The following DCDC2C variants were observed in gnomAD, a reference collection of about 807,000 sequenced individuals.
DCDC2C encodes doublecortin domain-containing protein 2C.
DCDC2C carries 44 observed loss-of-function variants against 45.0 expected under a neutral mutation model. The ratio of observed to expected loss-of-function variants is 0.98; its 90% CI spans 0.77 to 1.26. The LOEUF (loss-of-function observed/expected upper bound fraction) is 1.26, where lower values mean the gene tolerates loss of function less well. Among genes scored for constraint, DCDC2C ranks in the 50% most tolerant of loss-of-function variants. The pLI is 0.00. For missense variants in DCDC2C, 447 were observed against 468.9 expected (o/e 0.95, Z 0.43); for synonymous variants, 187 against 178.8 (o/e 1.05, Z -0.37).
chr2:3,789,272 C>A (rs66633345), intron 10 of DCDC2C, among the ~76,000 whole-genome samples: 71,524 of 151,928 alleles, frequency 0.47, 17,402 homozygotes, highest in East Asian at 0.82. Flanking sequence ...CTCCACGTGG[C>A]ATCCAGAGGC....
intron 2 of DCDC2C, among the ~76,000 whole-genome samples, chr2:3,721,212 A>G (rs1668490424): frequency 2.0e-5 from 3 of 150,884 alleles, no homozygotes; most frequent in Non-Finnish European, 3.0e-5. Flanking sequence ...GTTTTTCTCT[A>G]TTTTTTTCCC....
At chr2:3,779,134 G>A (rs1670437927) in intron 9 of DCDC2C, among the ~76,000 whole-genome samples, 1 of 152,198 alleles carries the variant, frequency 6.6e-6, no homozygotes, top group African/African-American at 2.4e-5. Flanking sequence ...TCTACTTCCA[G>A]TCACAAACCT....
At chr2:3,805,276 G>T in intron 10 of DCDC2C, among the ~76,000 whole-genome samples, 1 of 152,200 alleles carries the variant, frequency 6.6e-6, no homozygotes, top group East Asian at 1.9e-4. Context: ...AGCAGCTCCC[G>T]GCTGGCACTC....
In DCDC2C at chr2:3,738,715, TTTTTCTTGTAACCACCCAA is replaced by T. The variant is rs1180937489; in HGVS notation, c.417-3201_417-3183del. The stretch of plus-strand genomic sequence containing the variant: ...CTGCATGCACTGTTGTGTACCTTCA[TTTTTCTTGTAACCACCCAA>T]TTTATCTTGTATATGGTTTTTTATC... On this transcript the variant is annotated intron_variant, in intron 3 of 10. Coordinates refer to ENST00000399143, the MANE Select transcript of DCDC2C (RefSeq NM_001287444.2). 2.0e-5 allele frequency among the ~76,000 whole-genome samples: 3 copies of T among 152,186 alleles called. No individual in the cohort carries two copies. In the East Asian group the frequency reaches 5.8e-4, roughly 29 times the overall value.
At position 3,705,578 on chromosome 2, in the gene DCDC2C, T is replaced by C. The variant is rs1668045189; in HGVS notation, c.287+1540T>C. On this transcript the variant is annotated intron_variant, in intron 1 of 10. Coordinates refer to ENST00000399143, the MANE Select transcript of DCDC2C (RefSeq NM_001287444.2). ...TATCCCAAGACATTTTCTTGTAAAA[T>C]TGGCCTGTGTTTTACATGTTAGCAA... Among the ~76,000 whole-genome samples the C allele has an allele frequency of 2.0e-5, 3 of 152,222 alleles. No homozygotes were observed. The South Asian group carries it at 6.2e-4, about 31-fold the overall frequency.
intron 10 of DCDC2C, among the ~76,000 whole-genome samples, chr2:3,812,696 G>C (rs1671429890): frequency 6.6e-6 from 1 of 151,918 alleles, no homozygotes. Flanking sequence ...GTTATTTCAG[G>C]CTTTCTGATG....
intron 10 of DCDC2C, among the ~76,000 whole-genome samples, chr2:3,803,664 C>T (rs754190690): frequency 5.3e-5 from 8 of 152,230 alleles, no homozygotes; most frequent in South Asian, 2.1e-4. Context: ...CAGACACCTT[C>T]GTCCTCTTCT....
chr2:3,802,414 G>T (rs1464308584), intron 10 of DCDC2C, among the ~76,000 whole-genome samples: 3 of 152,198 alleles, frequency 2.0e-5, no homozygotes, highest in Admixed American at 2.0e-4. Flanking sequence ...AGCCCTGGAG[G>T]TAAACAAGTT....
At chr2:3,746,638 C>G (rs1669371263) in intron 4 of DCDC2C, among the ~76,000 whole-genome samples, 1 of 152,182 alleles carries the variant, frequency 6.6e-6, no homozygotes, top group Admixed American at 6.5e-5. Context: ...ATTCTAGGAG[C>G]CGGGAGGTGA....
In DCDC2C at chr2:3,823,078, C is replaced by A. The variant is rs534586928; in HGVS notation, c.1066-24076C>A. 1.7e-4 allele frequency among the ~76,000 whole-genome samples: 26 copies of A among 152,278 alleles called. No homozygotes were observed. In the South Asian group the frequency reaches 5.4e-3, roughly 32 times the overall value. ...AAACTTCTTTCTTTTGTAAATCTCC[C>A]AGTCTTGGGTATGTCTTTATCAGCA... On this transcript the variant is annotated intron_variant, in intron 10 of 10. Transcript: ENST00000399143.
chr2:3,789,893 T>C (rs1211058315), intron 10 of DCDC2C, among the ~76,000 whole-genome samples: 1 of 152,212 alleles, frequency 6.6e-6, no homozygotes, highest in Non-Finnish European at 1.5e-5. Flanking sequence ...TAGAACATAG[T>C]GGGTAACTTC....
intron 4 of DCDC2C, 76 bp from the exon 5 acceptor site, chr2:3,752,687 T>C (rs1314271085): frequency 1.0e-5 from 15 of 1,489,336 alleles, no homozygotes; most frequent in African/African-American, 1.4e-5. Flanking sequence ...CATGTCATAG[T>C]GTATGCACAA....
intron 8 of DCDC2C, among the ~76,000 whole-genome samples, chr2:3,769,612 C>A (rs565510011): frequency 6.6e-6 from 1 of 152,334 alleles, no homozygotes; most frequent in East Asian, 1.9e-4. Context: ...ACAGCTTCTG[C>A]TGGAGAGACG....
intron 10 of DCDC2C, chr2:3,788,617 G>A (rs1447809979): frequency 6.6e-6 from 1 of 152,128 alleles, no homozygotes; most frequent in African/African-American, 2.4e-5. Context: ...AGTATTTGTA[G>A]TCATTGATTT....
chr2:3,767,875 G>C lies in DCDC2C; in HGVS notation c.848G>C (p.Gly283Ala). 1.3e-6 allele frequency: 2 copies of C among 1,516,234 alleles called. No homozygotes were observed. Among genetic ancestry groups the C allele is most frequent in the Non-Finnish European group, 1.8e-6 (2 of 1,134,988 alleles). 93.9% of individuals were successfully genotyped at this position (1,516,234 alleles called of 1,614,324 possible). ...KTLAEPLVQR[G>A]AEGDVYKAPT... ...TTGGCAGAACCTTTAGTCCAAAGGG[G>C]TGCAGGTGACGTGCAGTTTCATTCT... The change falls in exon 7 of 11, where the codon GGT becomes GCT. Residue 283 changes from glycine (G) to alanine (A), a missense_variant. By Grantham distance (60) the Gly-to-Ala change is moderately conservative. Coordinates refer to ENST00000399143, the MANE Select transcript of DCDC2C (RefSeq NM_001287444.2).
chr2:3,747,465 G>T (rs1669407109), intron 4 of DCDC2C, among the ~76,000 whole-genome samples: 1 of 152,220 alleles, frequency 6.6e-6, no homozygotes, highest in Admixed American at 6.5e-5. Context: ...GGCGAAGTGG[G>T]CCATTGTCAT....
At chr2:3,823,770 AT>A (rs1319293450) in intron 10 of DCDC2C, among the ~76,000 whole-genome samples, 2 of 151,786 alleles carry the variant, frequency 1.3e-5, no homozygotes, top group African/African-American at 4.8e-5. Context: ...ATCTTTTTGA[AT>A]TTTTTTGAAT....
At chr2:3,732,686 G>A (rs1668909752) in intron 3 of DCDC2C, among the ~76,000 whole-genome samples, 1 of 152,180 alleles carries the variant, frequency 6.6e-6, no homozygotes, top group Non-Finnish European at 1.5e-5. Context: ...CAGTGTCTGA[G>A]GATGTCAGAC....
chr2:3,758,574 C>T (rs1443963011), intron 6 of DCDC2C, among the ~76,000 whole-genome samples: 1 of 152,188 alleles, frequency 6.6e-6, no homozygotes, highest in Non-Finnish European at 1.5e-5. Flanking sequence ...TTGTGTAGGA[C>T]CTGAGACAGG....
Sources: allele counts gnomAD v4.1 joint callset (sites outside exome capture counted in the v4.1 genomes callset), GRCh38; gene constraint gnomAD v4.1.1; transcripts MANE v1.5; gene names NCBI Gene and HGNC (gene_info 2026-07-23, HGNC 2026-07-21).